RNF150: variants seen among roughly 807,000 people sequenced by gnomAD.
RNF150 encodes the protein ring finger protein 150.
Under a neutral mutation model 39.3 loss-of-function variants are expected in RNF150, and 24 were observed. That is an observed-to-expected ratio of 0.61 (90% CI 0.44 to 0.86). The LOEUF (loss-of-function observed/expected upper bound fraction) is 0.86, where lower values mean the gene tolerates loss of function less well. Ranked by LOEUF, RNF150 falls within the 40% of genes least tolerant of loss-of-function variation. The pLI is 0.00. For synonymous variants in RNF150, 255 were observed against 227.3 expected (o/e 1.12, Z -1.10); for missense variants, 502 against 587.8 (o/e 0.85, Z 1.51).
In RNF150 at chr4:140,891,133, T is replaced by C. The variant is rs113338215; in HGVS notation, c.1198+20011A>G. Among the ~76,000 whole-genome samples the C allele has an allele frequency of 3.1e-3, 472 of 152,330 alleles. 4 individuals carry two copies. The highest frequency in any genetic ancestry group is 0.011 in the African/African-American group (450 of 41,576). ...TAGGAATAGCACTGGTAGAAAATGA[T>C]AGATTTGGCCAAGAATTGTTCTAAC... is the stretch of plus-strand genomic sequence containing the variant. On this transcript the variant is annotated intron_variant, in intron 6 of 6. Transcript: ENST00000515673.
At chr4:140,927,368 A>C (rs1417205136) in intron 4 of RNF150, among the ~76,000 whole-genome samples, 1 of 152,016 alleles carries the variant, frequency 6.6e-6, no homozygotes, top group Non-Finnish European at 1.5e-5. Context: ...TCCAGTTTGG[A>C]GGTGGGGCCT....
intron 3 of RNF150, among the ~76,000 whole-genome samples, chr4:140,948,506 G>C (rs920618646): frequency 6.6e-6 from 1 of 152,108 alleles, no homozygotes; most frequent in African/African-American, 2.4e-5. Context: ...GGACTGCTTT[G>C]TTTTCCCTCC....
chr4:140,908,023 AG>A (rs1730456037), intron 6 of RNF150, among the ~76,000 whole-genome samples: 1 of 152,208 alleles, frequency 6.6e-6, no homozygotes, highest in African/African-American at 2.4e-5. Context: ...AATAATTTGG[AG>A]AAAAGTCATG....
At position 141,023,423 on chromosome 4, in the gene RNF150, T is replaced by A. The variant is rs538610777; in HGVS notation, c.485-55550A>T. Among the ~76,000 whole-genome samples the A allele has an allele frequency of 5.6e-3, 851 of 151,320 alleles. 10 individuals are homozygous for A. The highest frequency in any genetic ancestry group is 0.015 in the African/African-American group (623 of 41,392). On this transcript the variant is annotated intron_variant, in intron 1 of 6. Coordinates refer to ENST00000515673, the MANE Select transcript of RNF150 (RefSeq NM_020724.2). Reference sequence around the variant, plus strand: ...ACCACACCTAACTACTTTTCATATTTTTTTTTTTAAGTAGTTATGGGTTTC... The same window carrying A: ...ACCACACCTAACTACTTTTCATATTATTTTTTTTAAGTAGTTATGGGTTTC...
At chr4:140,962,039 G>A (rs181925221) in intron 2 of RNF150, among the ~76,000 whole-genome samples, 5 of 149,192 alleles carry the variant, frequency 3.4e-5, no homozygotes, top group South Asian at 4.3e-4. Context: ...TAATATCATC[G>A]TCTGATTAAC....
chr4:141,125,129 G>A (rs1176769120), intron 1 of RNF150, among the ~76,000 whole-genome samples: 1 of 152,126 alleles, frequency 6.6e-6, no homozygotes, highest in Non-Finnish European at 1.5e-5. Context: ...ATAGAAAACT[G>A]AGACCTAGAT....
At position 140,868,190 on chromosome 4, in the gene RNF150, C is replaced by G; in HGVS notation, c.*71G>C. ...ATCTGGAGGTGTGTGTGTGCCTGGT[C>G]CAAGTCTTGGAGCACTCTTCCCTTC... On this transcript the variant is annotated 3_prime_UTR_variant, in exon 7 of 7. Transcript: ENST00000515673. 3.4e-6 allele frequency: 3 copies of G among 893,916 alleles called. No homozygotes were observed. The highest frequency in any genetic ancestry group is 5.7e-6 in the Non-Finnish European group (3 of 530,544). 55.4% of individuals were successfully genotyped at this position (893,916 alleles called of 1,614,324 possible).
At chr4:141,169,426 C>T (rs932666350) in intron 1 of RNF150, among the ~76,000 whole-genome samples, 2 of 152,066 alleles carry the variant, frequency 1.3e-5, no homozygotes, top group African/African-American at 2.4e-5. Flanking sequence ...TCAGGTATTT[C>T]TTTATAGCAG....
At chr4:140,912,962 A>C (rs954842814) in intron 5 of RNF150, among the ~76,000 whole-genome samples, 2 of 74,558 alleles carry the variant, frequency 2.7e-5, no homozygotes, top group Non-Finnish European at 2.5e-5. Flanking sequence ...CAGAACATAA[A>C]AAAAAAAAAA....
At chr4:140,901,755 T>C (rs1730194975) in intron 6 of RNF150, among the ~76,000 whole-genome samples, 2 of 152,200 alleles carry the variant, frequency 1.3e-5, no homozygotes, top group South Asian at 4.1e-4. Context: ...CAGAGATAGC[T>C]ATTTGAAAGT....
chr4:140,911,788 G>A (rs1730616453), intron 5 of RNF150, among the ~76,000 whole-genome samples: 1 of 152,112 alleles, frequency 6.6e-6, no homozygotes, highest in South Asian at 2.1e-4. Flanking sequence ...ATATACTAAT[G>A]ATATGAGAGT....
chr4:141,167,533 C>T (rs189433257), intron 1 of RNF150, among the ~76,000 whole-genome samples: 1 of 152,218 alleles, frequency 6.6e-6, no homozygotes, highest in African/African-American at 2.4e-5. Flanking sequence ...TACTACCTGA[C>T]TTCAAACTGT....
chr4:141,121,161 T>C (rs1356434364), intron 1 of RNF150, among the ~76,000 whole-genome samples: 3 of 152,174 alleles, frequency 2.0e-5, no homozygotes, highest in Non-Finnish European at 4.4e-5. Flanking sequence ...GGAGGCTCAC[T>C]TTACAGATGA....
chr4:140,994,271 C>T (rs1734287673), intron 1 of RNF150, among the ~76,000 whole-genome samples: 1 of 152,198 alleles, frequency 6.6e-6, no homozygotes, highest in Admixed American at 6.5e-5. Context: ...AAGCTGCAGC[C>T]AGATCTCTCC....
chr4:140,993,356 C>G (rs1012198189), intron 1 of RNF150, among the ~76,000 whole-genome samples: 3 of 152,146 alleles, frequency 2.0e-5, no homozygotes, highest in African/African-American at 7.2e-5. Context: ...CCCTTTTATA[C>G]GGATCCTTAT....
intron 1 of RNF150, among the ~76,000 whole-genome samples, chr4:141,067,547 T>C (rs1737509551): frequency 6.6e-6 from 1 of 152,212 alleles, no homozygotes. Flanking sequence ...AGTGTCTGTC[T>C]TATATGATCA....
intron 5 of RNF150, among the ~76,000 whole-genome samples, chr4:140,918,254 C>G (rs1730931843): frequency 6.6e-6 from 1 of 152,132 alleles, no homozygotes; most frequent in African/African-American, 2.4e-5. Flanking sequence ...AATCCAGGAG[C>G]TGGTTTCTTG....
At chr4:141,114,520 C>T (rs1350199830) in intron 1 of RNF150, among the ~76,000 whole-genome samples, 1 of 152,028 alleles carries the variant, frequency 6.6e-6, no homozygotes, top group African/African-American at 2.4e-5. Context: ...AATGGCCTAC[C>T]AACCAAAAAA....
intron 1 of RNF150, among the ~76,000 whole-genome samples, chr4:141,080,864 T>G (rs1159496846): frequency 2.0e-5 from 3 of 152,180 alleles, no homozygotes; most frequent in African/African-American, 7.2e-5. Flanking sequence ...AGGAAATCAG[T>G]AGGAATTCCA....
Sources: allele counts gnomAD v4.1 joint callset (sites outside exome capture counted in the v4.1 genomes callset), GRCh38; gene constraint gnomAD v4.1.1; transcripts MANE v1.5; gene names NCBI Gene and HGNC (gene_info 2026-07-23, HGNC 2026-07-21).